The following EPYC variants were observed in gnomAD, a reference collection of about 807,000 sequenced individuals.
EPYC encodes dermatan sulfate proteoglycan 3.
EPYC carries 28 observed loss-of-function variants against 30.1 expected under a neutral mutation model. The observed-to-expected ratio is 0.93, with a 90% CI of 0.69 to 1.28. The LOEUF is 1.28. Among genes scored for constraint, EPYC ranks in the 50% most tolerant of loss-of-function variants. The pLI, the probability that EPYC is intolerant of heterozygous loss-of-function variation, is 0.00. For missense variants in EPYC, 382 were observed against 383.5 expected, an observed-to-expected ratio of 1.00 and a Z score of 0.03; for synonymous variants, 144 against 141.4, an observed-to-expected ratio of 1.02 and a Z score of -0.13.
chr12:91,001,502 T>A (rs1877821901), intron 2 of EPYC, among the ~76,000 whole-genome samples: 1 of 152,150 alleles, frequency 6.6e-6, no homozygotes, highest in Non-Finnish European at 1.5e-5. Flanking sequence ...TTCTGATTCA[T>A]AAAGATTAGC....
At chr12:90,973,495 A>C (rs957651154) in intron 3 of EPYC, among the ~76,000 whole-genome samples, 1 of 152,226 alleles carries the variant, frequency 6.6e-6, no homozygotes, top group African/African-American at 2.4e-5. Context: ...TGTGAAATGA[A>C]TGTTAATCAC....
chr12:91,003,351 C>A (rs1877875595), intron 1 of EPYC, among the ~76,000 whole-genome samples: 1 of 151,936 alleles, frequency 6.6e-6, no homozygotes. Context: ...TTCTTAATAG[C>A]TATCTAAGAT....
chr12:90,997,169 C>T (rs940969502), intron 2 of EPYC, among the ~76,000 whole-genome samples: 2 of 152,016 alleles, frequency 1.3e-5, no homozygotes, highest in Non-Finnish European at 2.9e-5. Context: ...TAAATGCCCT[C>T]CATGTCATCA....
At chr12:90,979,283 G>A (rs1477392656) in intron 2 of EPYC, among the ~76,000 whole-genome samples, 1 of 152,032 alleles carries the variant, frequency 6.6e-6, no homozygotes, top group Non-Finnish European at 1.5e-5. Flanking sequence ...GTGTCCTTGT[G>A]GTATCCCCAG....
chr12:90,988,524 G>A (rs185792890), intron 2 of EPYC, among the ~76,000 whole-genome samples: 33 of 152,222 alleles, frequency 2.2e-4, no homozygotes, highest in African/African-American at 7.9e-4. Flanking sequence ...TCATGGGCTA[G>A]ATGAAATGTT....
intron 6 of EPYC, among the ~76,000 whole-genome samples, chr12:90,967,394 A>G (rs961412434): frequency 2.0e-5 from 3 of 151,846 alleles, no homozygotes; most frequent in Non-Finnish European, 4.4e-5. Flanking sequence ...ATATCCACGT[A>G]TTTGTGAATT....
At chr12:90,968,676 T>C (rs550514807) in intron 6 of EPYC, among the ~76,000 whole-genome samples, 13 of 152,282 alleles carry the variant, frequency 8.5e-5, no homozygotes, top group Non-Finnish European at 1.6e-4. Context: ...TTCCCTCATA[T>C]TATATATACA....
rs143487678 is a variant in EPYC, at chr12:90,994,620, TA to T, written c.165+7780del. Among the ~76,000 whole-genome samples, 190 of 152,268 alleles carry T rather than the reference TA, an allele frequency of 1.2e-3. 2 individuals are homozygous for T. The Middle Eastern group carries it at 0.014, about 11-fold the overall frequency. On this transcript the variant is annotated intron_variant, in intron 2 of 6. Coordinates refer to ENST00000261172, the MANE Select transcript of EPYC (RefSeq NM_004950.5). The stretch of plus-strand genomic sequence containing the variant: ...TCCCATTATTCTTTAGTGTGTGTGT[TA>T]ATGGTTATGTGCTCAAGCAGAGCCA...
intron 3 of EPYC, among the ~76,000 whole-genome samples, chr12:90,973,187 T>A (rs1389099259): frequency 7.5e-6 from 1 of 132,474 alleles, no homozygotes; most frequent in Non-Finnish European, 1.6e-5. Context: ...TGTAACATTT[T>A]AAAAATAATT....
intron 2 of EPYC, among the ~76,000 whole-genome samples, chr12:90,978,488 C>CT (rs57122095): frequency 1.3e-3 from 187 of 142,146 alleles, no homozygotes; most frequent in East Asian, 8.5e-3. Flanking sequence ...TTTCCAATGC[C>CT]TTTTTTTTTT....
At chr12:90,972,052 A>C in intron 4 of EPYC, 50 bp from the exon 5 acceptor site, 1 of 1,103,392 alleles carries the variant, frequency 9.1e-7, no homozygotes, top group South Asian at 1.7e-5. Context: ...TTTTGCTCAC[A>C]TAAAAATATA....
At chr12:90,964,487 A>G (rs970129738) in intron 6 of EPYC, among the ~76,000 whole-genome samples, 161 bp from the exon 7 acceptor site, 1 of 152,204 alleles carries the variant, frequency 6.6e-6, no homozygotes, top group Non-Finnish European at 1.5e-5. Flanking sequence ...CAATGGGGGT[A>G]AATTAGGAAA....
chr12:90,982,534 A>G (rs1163008858), intron 2 of EPYC, among the ~76,000 whole-genome samples: 1 of 151,944 alleles, frequency 6.6e-6, no homozygotes, highest in Non-Finnish European at 1.5e-5. Flanking sequence ...CTTTTGCCTA[A>G]TATTTGTATT....
At chr12:91,001,040 T>G (rs76938423) in intron 2 of EPYC, among the ~76,000 whole-genome samples, 8,521 of 151,808 alleles carry the variant, frequency 0.056, 341 homozygotes, top group African/African-American at 0.1. Context: ...CAATCAAATG[T>G]GCAGAAGAAA....
intron 2 of EPYC, among the ~76,000 whole-genome samples, chr12:90,980,687 GA>G (rs1198243976): frequency 6.6e-6 from 1 of 151,990 alleles, no homozygotes; most frequent in Non-Finnish European, 1.5e-5. Context: ...CAAATGACCA[GA>G]AAAAAATCCC....
At position 90,988,388 on chromosome 12, in the gene EPYC, G is replaced by T. The variant is rs543066538; in HGVS notation, c.166-10126C>A. ...AACCTAGAAAGCTGTGTTCAGAGAG[G>T]AATGGTTTGTTATTATGGTCAGGAC... On this transcript the variant is annotated intron_variant, in intron 2 of 6. Transcript: ENST00000261172. 2.0e-5 allele frequency among the ~76,000 whole-genome samples: 3 copies of T among 152,204 alleles called. 1 individual carries two copies. The highest frequency in any genetic ancestry group is 7.2e-5 in the African/African-American group (3 of 41,562).
At chr12:90,964,406 C>T (rs1177004284) in intron 6 of EPYC, 80 bp from the exon 7 acceptor site, 23 of 984,776 alleles carry the variant, frequency 2.3e-5, no homozygotes, top group Non-Finnish European at 2.6e-5. Context: ...CTGTGCTTCA[C>T]CCTTGTTTTT....
At chr12:90,982,688 G>A (rs1051487205) in intron 2 of EPYC, among the ~76,000 whole-genome samples, 3 of 151,932 alleles carry the variant, frequency 2.0e-5, no homozygotes, top group African/African-American at 7.3e-5. Flanking sequence ...ATTCCACTCT[G>A]TCCTATGCAG....
intron 2 of EPYC, among the ~76,000 whole-genome samples, chr12:90,996,994 C>G (rs1877707726): frequency 6.6e-6 from 1 of 151,932 alleles, no homozygotes; most frequent in Non-Finnish European, 1.5e-5. Context: ...AAATTGGGCT[C>G]CAGGTTGCTG....
Sources: allele counts gnomAD v4.1 joint callset (sites outside exome capture counted in the v4.1 genomes callset), GRCh38; gene constraint gnomAD v4.1.1; transcripts MANE v1.5; gene names NCBI Gene and HGNC (gene_info 2026-07-23, HGNC 2026-07-21).